The following GTF3C2 variants were observed in gnomAD, a reference collection of about 807,000 sequenced individuals.
GTF3C2 encodes general transcription factor IIIC subunit 2.
In GTF3C2, 17 loss-of-function variants were observed where a neutral mutation model predicts 117.4. The observed-to-expected ratio is 0.14, with a 90% CI of 0.10 to 0.22. GTF3C2 has a LOEUF of 0.22. GTF3C2 is among the 10% of genes least tolerant of loss of function. The pLI is 1.00. For synonymous variants in GTF3C2, 437 were observed against 427.0 expected (o/e 1.02, Z -0.29); for missense variants, 888 against 1,143.6 (o/e 0.78, Z 3.22).
chr2:27,350,153 G>A (rs1681079131), intron 1 of GTF3C2, among the ~76,000 whole-genome samples: 1 of 151,930 alleles, frequency 6.6e-6, no homozygotes, highest in Non-Finnish European at 1.5e-5. Flanking sequence ...CAGTTGCATA[G>A]AACAGAATCC....
At chr2:27,333,158 C>CTTT (rs1199330474) in intron 12 of GTF3C2, among the ~76,000 whole-genome samples, 7 of 130,170 alleles carry the variant, frequency 5.4e-5, no homozygotes, top group Non-Finnish European at 1.1e-4. Flanking sequence ...GGCATCTACT[C>CTTT]TTTTTTTTTT....
chr2:27,336,994 G>A (rs1212418648), intron 7 of GTF3C2, among the ~76,000 whole-genome samples: 2 of 152,134 alleles, frequency 1.3e-5, no homozygotes, highest in Non-Finnish European at 2.9e-5. Context: ...AGTCTGTCCA[G>A]GTCTATCTGA....
At position 27,345,388 on chromosome 2, in the gene GTF3C2, T is replaced by C. The variant is rs185021523; in HGVS notation, c.-24-1810A>G. 2.1e-3 allele frequency among the ~76,000 whole-genome samples: 312 copies of C among 151,984 alleles called. 3 individuals carry two copies. Among genetic ancestry groups the C allele is most frequent in the African/African-American group, 7.3e-3 (301 of 41,438 alleles). ...CAGGCGTATTGCCTGAGGTCAGGAG[T>C]TCGAGACCAGCCTGGCCAACATGGT... On this transcript the variant is annotated intron_variant, in intron 1 of 18. Coordinates refer to ENST00000264720, the Ensembl canonical transcript of GTF3C2.
chr2:27,331,555 G>C (rs1203351268), intron 12 of GTF3C2, among the ~76,000 whole-genome samples: 2 of 152,008 alleles, frequency 1.3e-5, no homozygotes, highest in Admixed American at 6.6e-5. Flanking sequence ...TCGATCTCTT[G>C]ACCTGGTGAT....
At chr2:27,356,136 GCC>G (rs1303802826) in intron 1 of GTF3C2, 1 of 1,282,358 alleles carries the variant, frequency 7.8e-7, no homozygotes, top group Non-Finnish European at 1.0e-6. Context: ...AGTTGAAGTC[GCC>G]ACCTCTGACT....
At position 27,337,571 on chromosome 2, in the gene GTF3C2, A is replaced by C. The variant is rs1680534481; in HGVS notation, c.951-13T>G. 1 of 1,566,350 alleles carries C rather than the reference A, an allele frequency of 6.4e-7. No homozygotes were observed. ...TTTCTGCTCTCGGCTGGAGAAACAG[A>C]AGAAGCATTAATGAAGGAGAGGGAT... On this transcript the variant is annotated splice_polypyrimidine_tract_variant and intron_variant, in intron 5 of 18. Coordinates refer to ENST00000264720, the Ensembl canonical transcript of GTF3C2.
chr2:27,340,247 A>C (rs910457431), intron 4 of GTF3C2: 4 of 152,020 alleles, frequency 2.6e-5, no homozygotes, highest in South Asian at 2.1e-4. Context: ...TACCTTACAT[A>C]TCTCTTCTTT....
At chr2:27,356,398 C>A (rs1681382782) in intron 1 of GTF3C2, 1 of 267,652 alleles carries the variant, frequency 3.7e-6, no homozygotes. Context: ...GGAGAGGAGC[C>A]CTGGTTTTTC....
intron 7 of GTF3C2, 92 bp downstream of exon 7, chr2:27,337,152 A>G: frequency 1.4e-6 from 1 of 724,288 alleles, no homozygotes; most frequent in Non-Finnish European, 2.4e-6. Flanking sequence ...CATCAGGGGA[A>G]GGACAGGACT....
intron 1 of GTF3C2, among the ~76,000 whole-genome samples, chr2:27,354,757 GT>G (rs973891861): frequency 2.6e-5 from 4 of 151,916 alleles, no homozygotes; most frequent in African/African-American, 7.3e-5. Flanking sequence ...GAAGATTCCG[GT>G]TTTTTTTAAA....
intron 1 of GTF3C2, 87 bp from the exon 2 acceptor site, chr2:27,343,665 T>C: frequency 9.2e-7 from 1 of 1,085,370 alleles, no homozygotes; most frequent in East Asian, 2.4e-5. Flanking sequence ...TCTCCCTCAT[T>C]CTCACACTCA....
chr2:27,352,753 T>C (rs1411276620), intron 1 of GTF3C2, among the ~76,000 whole-genome samples: 1 of 152,240 alleles, frequency 6.6e-6, no homozygotes, highest in Non-Finnish European at 1.5e-5. Context: ...AGAAGCATAT[T>C]GTCCCCCAAC....
At chr2:27,339,165 T>C (rs1027059313) in intron 4 of GTF3C2, among the ~76,000 whole-genome samples, 4 of 151,904 alleles carry the variant, frequency 2.6e-5, no homozygotes, top group Non-Finnish European at 5.9e-5. Context: ...TCCCAGCACT[T>C]TGGGAGGCCG....
intron 18 of GTF3C2, 55 bp downstream of exon 18, chr2:27,327,122 C>T: frequency 1.0e-6 from 1 of 978,544 alleles, no homozygotes. Context: ...TCATCAGCCC[C>T]AGGCCCAGAA....
At chr2:27,337,784 A>G (rs1165216507) in intron 5 of GTF3C2, 142 bp downstream of exon 5, 1 of 717,572 alleles carries the variant, frequency 1.4e-6, no homozygotes, top group East Asian at 2.4e-5. Flanking sequence ...TCTTGCCTCT[A>G]GAGCAGTGCT....
At chr2:27,342,872 A>G in exon 3 of GTF3C2, 1 of 1,614,148 alleles carries the variant, frequency 6.2e-7, no homozygotes, top group Non-Finnish European at 8.5e-7. Flanking sequence ...GGGGTCTCAA[A>G]GTCCTCAGGG....
At position 27,329,068 on chromosome 2, in the gene GTF3C2, C is replaced by G; in HGVS notation, c.2039+53G>C. The G allele has an allele frequency of 6.3e-7, 1 of 1,591,566 alleles. No homozygotes were observed. The highest frequency in any genetic ancestry group is 8.6e-7 in the Non-Finnish European group (1 of 1,160,238). ...CCCCACAACAATCTGGCATGCTTTG[C>G]ATTCCAACCCTTAGGGCCTGTCCCT... On this transcript the variant is annotated intron_variant, in intron 14 of 18. Coordinates refer to ENST00000264720, the Ensembl canonical transcript of GTF3C2. This position sits in a 1 kb window ranked among gnomAD's most constrained non-coding sequence, Gnocchi z 4.5.
chr2:27,336,507 G>A (rs1301089999), intron 7 of GTF3C2, 82 bp from the exon 8 acceptor site: 1 of 796,114 alleles, frequency 1.3e-6, no homozygotes, highest in Non-Finnish European at 2.1e-6. Flanking sequence ...CCCAGAGCCA[G>A]TATGAACTGG....
At chr2:27,335,705 G>A in exon 10 of GTF3C2, 1 of 1,550,510 alleles carries the variant, frequency 6.4e-7, no homozygotes, top group African/African-American at 1.4e-5. Context: ...CAGGAGAGGA[G>A]CCTAAAGGGT....
Sources: gnomAD v4.1 joint callset for allele counts (sites outside exome capture counted in the v4.1 genomes callset) on GRCh38, gnomAD v4.1.1 for gene constraint, Gnocchi (gnomAD v3.1) non-coding constraint, MANE v1.5 for transcripts, NCBI Gene and HGNC (gene_info 2026-07-23, HGNC 2026-07-21) for gene names.